SIMC1: variants seen among roughly 807,000 people sequenced by gnomAD.
SIMC1 encodes SUMO interacting motifs containing 1, also known as SUMO-interacting motif-containing protein 1.
A neutral mutation model predicts 82.3 loss-of-function variants in SIMC1; 55 were observed. The observed-to-expected ratio is 0.67, with a 90% CI of 0.54 to 0.84. The LOEUF (loss-of-function observed/expected upper bound fraction) is 0.84, where lower values mean the gene tolerates loss of function less well. SIMC1 is among the 40% of genes least tolerant of loss of function. The pLI, the probability that SIMC1 is intolerant of heterozygous loss-of-function variation, is 0.00. For synonymous variants in SIMC1, 353 were observed against 426.3 expected (o/e 0.83, Z 2.12); for missense variants, 915 against 1,107.2 (o/e 0.83, Z 2.46).
intron 1 of SIMC1, among the ~76,000 whole-genome samples, chr5:176,245,074 T>C (rs2113102110): frequency 6.6e-6 from 1 of 152,286 alleles, no homozygotes; most frequent in African/African-American, 2.4e-5. Context: ...TTGTTATAGG[T>C]GGAACTGTAT....
At chr5:176,305,203 C>T (rs1386869061) in intron 4 of SIMC1, among the ~76,000 whole-genome samples, 2 of 83,334 alleles carry the variant, frequency 2.4e-5, no homozygotes, top group Admixed American at 1.1e-4. Flanking sequence ...GGGTCAGCCC[C>T]CCGCCCGGCC....
chr5:176,247,941 C>A (rs1432874976), intron 1 of SIMC1, among the ~76,000 whole-genome samples: 1 of 151,738 alleles, frequency 6.6e-6, no homozygotes, highest in East Asian at 1.9e-4. Context: ...ATTTCTGAGG[C>A]CTTTGTTCTG....
chr5:176,305,108 C>T (rs1275841704), intron 4 of SIMC1, among the ~76,000 whole-genome samples: 1 of 148,130 alleles, frequency 6.8e-6, no homozygotes, highest in Non-Finnish European at 1.5e-5. Flanking sequence ...GGGTCAGCCC[C>T]GACGCCCGGC....
intron 1 of SIMC1, among the ~76,000 whole-genome samples, chr5:176,282,436 C>A (rs964569887): frequency 6.6e-6 from 1 of 152,238 alleles, no homozygotes; most frequent in Non-Finnish European, 1.5e-5. Flanking sequence ...GCGCTGCACC[C>A]ACTGACCTGC....
intron 6 of SIMC1, among the ~76,000 whole-genome samples, chr5:176,323,987 CAAAAAAAAAAAA>C (rs754656711): frequency 1.0e-5 from 1 of 96,952 alleles, no homozygotes; most frequent in Non-Finnish European, 2.2e-5. Flanking sequence ...GACTCCATCT[CAAAAAAAAAAAA>C]AAAAAAAAAA....
At chr5:176,270,896 T>C (rs962824034) in intron 1 of SIMC1, among the ~76,000 whole-genome samples, 1 of 152,198 alleles carries the variant, frequency 6.6e-6, no homozygotes, top group African/African-American at 2.4e-5. Context: ...AAAGGCAGTC[T>C]AGGCCACAAG....
In SIMC1 at chr5:176,337,155, C is replaced by T; in HGVS notation, c.2413+9C>T. On this transcript the variant is annotated intron_variant, in intron 9 of 9. Coordinates refer to ENST00000429602, the MANE Select transcript of SIMC1 (RefSeq NM_001308195.2). ...TCAACATGTTTTAAGAGGTAAGGAG[C>T]ATTTGTTCACAAGTGGAGTAGTGGA... 6.2e-7 allele frequency: 1 copy of T among 1,611,844 alleles called. No homozygotes were observed. The highest frequency in any genetic ancestry group is 8.5e-7 in the Non-Finnish European group (1 of 1,178,116).
intron 5 of SIMC1, among the ~76,000 whole-genome samples, chr5:176,320,764 A>C (rs1391930690): frequency 6.6e-6 from 1 of 151,938 alleles, no homozygotes; most frequent in Admixed American, 6.6e-5. Flanking sequence ...TTTTTAAGTA[A>C]ATAGGATTAA....
At chr5:176,265,517 G>C (rs1762171963) in intron 1 of SIMC1, among the ~76,000 whole-genome samples, 2 of 152,048 alleles carry the variant, frequency 1.3e-5, no homozygotes, top group Admixed American at 1.3e-4. Context: ...CAAAAGAAAA[G>C]TGTTCTGGTT....
rs149838180 is a variant in SIMC1 at position 176,294,227 on chromosome 5, T to C, written c.1432-803T>C. Among the ~76,000 whole-genome samples the C allele has an allele frequency of 3.7e-3, 562 of 152,320 alleles. 3 individuals carry two copies. Among genetic ancestry groups the C allele is most frequent in the African/African-American group, 0.013 (534 of 41,578 alleles). ...ATATGTACAATTTTGAATTCTGATTTTTTAACTTTATATGAGCTTTTTCCC... is the reference window on the plus strand; with the variant it reads ...ATATGTACAATTTTGAATTCTGATTCTTTAACTTTATATGAGCTTTTTCCC... On this transcript the variant is annotated intron_variant, in intron 2 of 9. Transcript: ENST00000429602.
At chr5:176,287,788 A>G (rs1277170369) in intron 1 of SIMC1, among the ~76,000 whole-genome samples, 1 of 152,126 alleles carries the variant, frequency 6.6e-6, no homozygotes, top group African/African-American at 2.4e-5. Flanking sequence ...TGCAGGATAC[A>G]GTATCAATAT....
chr5:176,272,604 A>G (rs1762493442), intron 1 of SIMC1, among the ~76,000 whole-genome samples: 1 of 152,154 alleles, frequency 6.6e-6, no homozygotes, highest in East Asian at 1.9e-4. Flanking sequence ...CAGTGGGTGC[A>G]GCCCACCGAG....
intron 4 of SIMC1, chr5:176,308,297 A>G (rs1764513180): frequency 6.8e-7 from 1 of 1,466,140 alleles, no homozygotes; most frequent in Admixed American, 1.7e-5. Flanking sequence ...TTCTGTCATC[A>G]TCTTAACGAC....
chr5:176,252,811 C>G lies in SIMC1; in HGVS notation c.129+14174C>G, dbSNP rs957598384. Among the ~76,000 whole-genome samples the G allele has an allele frequency of 3.3e-5, 5 of 152,302 alleles. No homozygotes were observed. In the East Asian group the frequency reaches 9.7e-4, roughly 29 times the overall value. On this transcript the variant is annotated intron_variant, in intron 1 of 9. Transcript: ENST00000429602. ...GGCGGCTGGGAGGTGTAGGTTGTAG[C>G]GAGCTGAGATCATGCCACTGCACTC... is the stretch of plus-strand genomic sequence containing the variant.
chr5:176,255,719 C>A, intron 1 of SIMC1, among the ~76,000 whole-genome samples: 1 of 109,434 alleles, frequency 9.1e-6, no homozygotes. Flanking sequence ...AATGAGTACT[C>A]CTAAAAAAAA....
At position 176,295,169 on chromosome 5, in the gene SIMC1, T is replaced by G. The variant is rs1763758223; in HGVS notation, c.1571T>G (p.Ile524Ser). Residue 524 changes from isoleucine (I) to serine (S), a missense_variant, in exon 3 of 10, where the codon ATC becomes AGC. Ile to Ser is a moderately radical substitution (Grantham distance 142). This residue lies in a region of SIMC1 where 902 missense variants were observed against 1,040.3 expected (regional missense o/e 0.87). Coordinates refer to ENST00000429602, the MANE Select transcript of SIMC1 (RefSeq NM_001308195.2). ...CCCCAGCATTACCCACCAAGAGAAA[T>G]CGTGGCTCACATCATCCAGAAAATC... ...VSPQHYPPRE[I>S]VAHIIQKILL... 1 of 1,613,294 alleles carries G rather than the reference T, an allele frequency of 6.2e-7. No homozygotes were observed. Among genetic ancestry groups the G allele is most frequent in the Non-Finnish European group, 8.5e-7 (1 of 1,179,652 alleles).
intron 2 of SIMC1, among the ~76,000 whole-genome samples, chr5:176,291,278 C>G (rs1763552771): frequency 6.6e-6 from 1 of 150,928 alleles, no homozygotes; most frequent in Admixed American, 6.6e-5. Context: ...TTTCTTCTAC[C>G]TCAGCCTCCC....
intron 1 of SIMC1, among the ~76,000 whole-genome samples, chr5:176,273,128 G>A (rs1268235378): frequency 6.6e-6 from 1 of 152,188 alleles, no homozygotes; most frequent in Admixed American, 6.5e-5. Flanking sequence ...CGGACAGACT[G>A]CCTCCTCAAG....
Position 176,290,210 on chromosome 5 carries a change from C to T in SIMC1, c.686C>T (p.Pro229Leu), listed in dbSNP as rs763375606. The T allele has an allele frequency of 1.9e-6, 3 of 1,613,110 alleles. No homozygotes were observed. Among genetic ancestry groups the T allele is most frequent in the Non-Finnish European group, 2.5e-6 (3 of 1,179,444 alleles). ...TGCCCCCTGCGACCTTTGCCATGCC[C>T]ACCGAGAGCCTCACCATGTCCACCA... is the stretch of plus-strand genomic sequence containing the variant. The part of the protein sequence containing the change: ...LPCPLRPLPC[P>L]PRASPCPPRA... Residue 229 changes from proline to leucine, a missense_variant, in exon 2 of 10, where the codon CCA becomes CTA. By Grantham distance (98) the Pro-to-Leu change is moderately conservative. Around this residue, in one of 2 missense-constraint regions of SIMC1, gnomAD observed 902 missense variants for 1,040.3 expected, o/e 0.87. Transcript: ENST00000429602.
Sources: gnomAD v4.1 joint callset for allele counts (sites outside exome capture counted in the v4.1 genomes callset) on GRCh38, gnomAD v4.1.1 for gene constraint, gnomAD v4.1.1 regional missense constraint, MANE v1.5 for transcripts, NCBI Gene and HGNC (gene_info 2026-07-23, HGNC 2026-07-21) for gene names.